Variants in COL23A1 observed in about 807,000 individuals in gnomAD.
COL23A1 encodes the protein collagen type XXIII alpha 1 chain.
COL23A1 carries 97 observed loss-of-function variants against 99.3 expected under a neutral mutation model. The observed-to-expected ratio is 0.98, with a 90% CI of 0.83 to 1.16. The LOEUF is 1.16. Ranked by LOEUF, COL23A1 falls within the 50% of genes most tolerant of loss-of-function variation. The probability of loss-of-function intolerance (pLI) is 0.00; values close to 1 mark genes in which losing one functional copy is unlikely to be tolerated. For synonymous variants in COL23A1, 320 were observed against 308.2 expected (o/e 1.04, Z -0.40); for missense variants, 762 against 757.4 (o/e 1.01, Z -0.07).
intron 1 of COL23A1, among the ~76,000 whole-genome samples, chr5:178,574,370 TTTA>T (rs138875982): frequency 0.26 from 40,011 of 152,042 alleles, 5,344 homozygotes; most frequent in East Asian, 0.3. Flanking sequence ...AATCTGTGAT[TTTA>T]TTGTGTGTAA....
chr5:178,546,961 G>A (rs1761615262), intron 2 of COL23A1, among the ~76,000 whole-genome samples: 1 of 152,190 alleles, frequency 6.6e-6, no homozygotes, highest in African/African-American at 2.4e-5. Flanking sequence ...CCAGGGCAGA[G>A]AAGCCGGAGG....
At chr5:178,444,654 G>A (rs1206540258) in intron 2 of COL23A1, among the ~76,000 whole-genome samples, 1 of 152,148 alleles carries the variant, frequency 6.6e-6, no homozygotes, top group Non-Finnish European at 1.5e-5. Flanking sequence ...AAATTAGCCA[G>A]GTGTGGTGGT....
At chr5:178,577,941 C>T (rs73804319) in intron 1 of COL23A1, among the ~76,000 whole-genome samples, 2,577 of 152,314 alleles carry the variant, frequency 0.017, 65 homozygotes, top group African/African-American at 0.058. Context: ...ATAACTTCCA[C>T]AGTGAGGCGA....
intron 2 of COL23A1, among the ~76,000 whole-genome samples, chr5:178,493,269 C>T (rs926424019): frequency 6.6e-6 from 1 of 152,196 alleles, no homozygotes; most frequent in African/African-American, 2.4e-5. Flanking sequence ...TCTGTGGGCC[C>T]AGCCCACACT....
intron 2 of COL23A1, among the ~76,000 whole-genome samples, chr5:178,498,393 G>A (rs1414515664): frequency 2.0e-5 from 3 of 149,032 alleles, no homozygotes; most frequent in Non-Finnish European, 4.5e-5. Flanking sequence ...AATATCCTCC[G>A]AGTGTTGAAA....
intron 2 of COL23A1, among the ~76,000 whole-genome samples, chr5:178,423,884 C>A (rs911955182): frequency 1.3e-5 from 2 of 152,116 alleles, no homozygotes; most frequent in South Asian, 4.1e-4. Context: ...GAGATGTCTG[C>A]GCGTCTGCAA....
chr5:178,364,724 T>G (rs770514013), intron 2 of COL23A1, among the ~76,000 whole-genome samples: 1 of 152,150 alleles, frequency 6.6e-6, no homozygotes. Context: ...CTCCAGAGGC[T>G]CTGAGTCACG....
intron 5 of COL23A1, among the ~76,000 whole-genome samples, chr5:178,271,270 T>C (rs1011055734): frequency 1.3e-5 from 2 of 151,952 alleles, no homozygotes; most frequent in African/African-American, 4.8e-5. Context: ...GTCAGCCCCC[T>C]CTTCCTCCCC....
At chr5:178,423,475 T>C (rs1296253053) in intron 2 of COL23A1, among the ~76,000 whole-genome samples, 2 of 152,180 alleles carry the variant, frequency 1.3e-5, no homozygotes, top group African/African-American at 2.4e-5. Context: ...ATACGCTTTG[T>C]GCCAGATGAA....
chr5:178,402,187 G>GT (rs1764486090), intron 2 of COL23A1, among the ~76,000 whole-genome samples: 1 of 152,084 alleles, frequency 6.6e-6, no homozygotes, highest in Admixed American at 6.6e-5. Context: ...ATAGCAATAA[G>GT]AAGTGAGTGA....
At chr5:178,459,502 C>G (rs2127895414) in intron 2 of COL23A1, among the ~76,000 whole-genome samples, 1 of 152,296 alleles carries the variant, frequency 6.6e-6, no homozygotes. Flanking sequence ...TGGCTCACAC[C>G]TGTAATCTCA....
intron 2 of COL23A1, among the ~76,000 whole-genome samples, chr5:178,397,221 C>T (rs1764196587): frequency 6.6e-6 from 1 of 152,216 alleles, no homozygotes. Context: ...CCGCCACCAA[C>T]ATCCACTCAG....
At chr5:178,266,148 C>A (rs1165807478) in intron 8 of COL23A1, among the ~76,000 whole-genome samples, 5 of 152,122 alleles carry the variant, frequency 3.3e-5, no homozygotes, top group Admixed American at 3.3e-4. Flanking sequence ...TCAAGCAATT[C>A]TCTTGCCTCA....
At chr5:178,277,633 G>A (rs1756663652) in intron 5 of COL23A1, among the ~76,000 whole-genome samples, 1 of 152,226 alleles carries the variant, frequency 6.6e-6, no homozygotes, top group Admixed American at 6.5e-5. Flanking sequence ...ATGATGCTGT[G>A]AGGCTGTGAA....
At chr5:178,469,370 C>A (rs1756615232) in intron 2 of COL23A1, among the ~76,000 whole-genome samples, 1 of 152,210 alleles carries the variant, frequency 6.6e-6, no homozygotes, top group African/African-American at 2.4e-5. Flanking sequence ...CCATCCCTCC[C>A]TGGTCCCAGC....
intron 2 of COL23A1, among the ~76,000 whole-genome samples, chr5:178,555,032 CTG>C (rs879517412): frequency 4.1e-4 from 63 of 152,290 alleles, no homozygotes; most frequent in African/African-American, 1.3e-3. Context: ...GTACCACAGA[CTG>C]TGCGGCTTAA....
intron 2 of COL23A1, among the ~76,000 whole-genome samples, chr5:178,449,059 C>T (rs552856738): frequency 7.9e-5 from 12 of 152,134 alleles, no homozygotes; most frequent in South Asian, 2.1e-4. Flanking sequence ...TGCAGTGTTA[C>T]GATCAGAGTT....
At chr5:178,245,125 A>G (rs1458453591) in intron 25 of COL23A1, among the ~76,000 whole-genome samples, 1 of 144,006 alleles carries the variant, frequency 6.9e-6, no homozygotes, top group Non-Finnish European at 1.5e-5. Context: ...ATCATCATCC[A>G]TCCATCCACT....
intron 2 of COL23A1, among the ~76,000 whole-genome samples, chr5:178,424,305 C>T (rs140479375): frequency 0.01 from 1,532 of 152,382 alleles, 40 homozygotes; most frequent in African/African-American, 0.035. Context: ...AAAACATCTT[C>T]GCCGCATTGG....
Sources: gnomAD v4.1 joint callset for allele counts (sites outside exome capture counted in the v4.1 genomes callset) on GRCh38, gnomAD v4.1.1 for gene constraint, MANE v1.5 for transcripts, NCBI Gene and HGNC (gene_info 2026-07-23, HGNC 2026-07-21) for gene names.